HELQ: variants seen among roughly 807,000 people sequenced by gnomAD.
HELQ encodes the protein helicase, POLQ like.
In HELQ, 77 loss-of-function variants were observed where a neutral mutation model predicts 111.6. The ratio of observed to expected loss-of-function variants is 0.69; its 90% confidence interval spans 0.57 to 0.83. HELQ has a LOEUF of 0.83. HELQ is among the 40% of genes least tolerant of loss of function. The probability of loss-of-function intolerance (pLI) is 0.00; values close to 1 mark genes in which losing one functional copy is unlikely to be tolerated. For synonymous variants in HELQ, 438 were observed against 454.7 expected (o/e 0.96, Z 0.47); for missense variants, 1,200 against 1,288.5 (o/e 0.93, Z 1.05).
chr4:83,430,426 C>T lies in HELQ; in HGVS notation c.2296-680G>A, dbSNP rs1034250418. On this transcript the variant is annotated intron_variant, in intron 11 of 17. Transcript: ENST00000295488. ...TTTTTGTCTCTCTCATTCCTATCTC[C>T]ATTTCTTGTTCTTTCACTGTTATTC... Among the ~76,000 whole-genome samples the T allele has an allele frequency of 4.6e-5, 7 of 152,212 alleles. No individual in the cohort carries two copies. In the East Asian group the frequency reaches 5.8e-4, roughly 13 times the overall value.
chr4:83,442,431 A>AT (rs923411218), intron 6 of HELQ, among the ~76,000 whole-genome samples: 21 of 146,382 alleles, frequency 1.4e-4, no homozygotes, highest in Admixed American at 7.4e-4. Flanking sequence ...ATATGCTCTA[A>AT]TTTTTTTTTT....
intron 2 of HELQ, among the ~76,000 whole-genome samples, chr4:83,450,254 A>G (rs1361787649): frequency 3.6e-5 from 5 of 138,746 alleles, no homozygotes; most frequent in Admixed American, 7.2e-5. Context: ...AAAAAAAAAA[A>G]GCAGATCATT....
intron 8 of HELQ, among the ~76,000 whole-genome samples, chr4:83,438,406 A>G (rs777606578): frequency 6.6e-6 from 1 of 152,194 alleles, no homozygotes; most frequent in Non-Finnish European, 1.5e-5. Context: ...TCAGGAAATT[A>G]TATCCAAATG....
intron 9 of HELQ, among the ~76,000 whole-genome samples, chr4:83,434,409 T>C (rs998500032): frequency 6.6e-6 from 1 of 151,966 alleles, no homozygotes; most frequent in Non-Finnish European, 1.5e-5. Context: ...AAGAACTGAA[T>C]AATGAATGAA....
At chr4:83,440,223 T>C (rs1482075526) in intron 7 of HELQ, among the ~76,000 whole-genome samples, 1 of 152,186 alleles carries the variant, frequency 6.6e-6, no homozygotes, top group Admixed American at 6.5e-5. Flanking sequence ...TTCTTAGGTC[T>C]AGTTAGTCTA....
chr4:83,441,819 C>A (rs905852918), intron 6 of HELQ, among the ~76,000 whole-genome samples: 2 of 144,408 alleles, frequency 1.4e-5, no homozygotes, highest in Non-Finnish European at 3.0e-5. Flanking sequence ...ATCACCCAGG[C>A]TTGGAGTGCA....
chr4:83,454,904 G>T (rs950204340), intron 1 of HELQ, among the ~76,000 whole-genome samples: 4 of 152,146 alleles, frequency 2.6e-5, no homozygotes, highest in Non-Finnish European at 4.4e-5. Flanking sequence ...GGAGTTCCTA[G>T]GAATTTGGAA....
In HELQ at chr4:83,448,822, A is replaced by T; in HGVS notation, c.1152T>A (p.Val384=). 6.2e-7 allele frequency: 1 copy of T among 1,613,926 alleles called. No homozygotes were observed. Among genetic ancestry groups the T allele is most frequent in the Non-Finnish European group, 8.5e-7 (1 of 1,179,942 alleles). Residue 384 remains valine, a synonymous_variant, in exon 3 of 18, where the codon GTT becomes GTA. Transcript: ENST00000295488. The part of the protein sequence containing the change: ...LQELLCCRKD[V]LMILPYVAIV... ...TTGCCACATATGGAAGAATCATTAAAACATCTTTCCGACAGCAAAGCAGTT... is the reference window on the plus strand; with the variant it reads ...TTGCCACATATGGAAGAATCATTAATACATCTTTCCGACAGCAAAGCAGTT...
chr4:83,407,838 C>T (rs2109954752), intron 17 of HELQ, among the ~76,000 whole-genome samples: 1 of 152,198 alleles, frequency 6.6e-6, no homozygotes, highest in Middle Eastern at 3.4e-3. Flanking sequence ...GAAGACTCAG[C>T]CACTTAAAAA....
intron 3 of HELQ, among the ~76,000 whole-genome samples, chr4:83,448,108 G>C (rs940915363): frequency 6.6e-6 from 1 of 151,686 alleles, no homozygotes; most frequent in African/African-American, 2.4e-5. Context: ...TACTTGGGAA[G>C]CTGAGGCAGG....
chr4:83,415,907 A>C (rs1739329283), intron 17 of HELQ, among the ~76,000 whole-genome samples: 1 of 150,390 alleles, frequency 6.6e-6, no homozygotes, highest in Non-Finnish European at 1.5e-5. Flanking sequence ...TTGGCCTCCC[A>C]AAGTGCTGGG....
At chr4:83,411,630 T>TAA (rs1235957225) in intron 17 of HELQ, among the ~76,000 whole-genome samples, 13 of 146,916 alleles carry the variant, frequency 8.8e-5, no homozygotes, top group African/African-American at 3.5e-4. Flanking sequence ...TAAATAAAAT[T>TAA]AATTAATTTA....
At chr4:83,420,506 T>C (rs1739617841) in intron 15 of HELQ, among the ~76,000 whole-genome samples, 1 of 151,780 alleles carries the variant, frequency 6.6e-6, no homozygotes, top group Non-Finnish European at 1.5e-5. Context: ...AAAAATTGGT[T>C]GGGCGCTGTG....
Position 83,448,875 on chromosome 4 carries a change from G to A in HELQ, c.1099C>T (p.Leu367Phe). 2 of 1,613,462 alleles carry A rather than the reference G, an allele frequency of 1.2e-6. No homozygotes were observed. Among genetic ancestry groups the A allele is most frequent in the Non-Finnish European group, 1.7e-6 (2 of 1,179,618 alleles). ...YSLPTSGGKT[L>F]VAEILMLQEL... ...TGCAGCATTAAAATCTCAGCCACGA[G>A]GGTTTTTCCACCACTTGTTGGCAAG... Residue 367 changes from leucine to phenylalanine, a missense_variant, in exon 3 of 18, where the codon CTC (leucine) becomes TTC (phenylalanine). By Grantham distance (22) the Leu-to-Phe change is conservative (BLOSUM62 0). Coordinates refer to ENST00000295488, the MANE Select transcript of HELQ (RefSeq NM_133636.5).
chr4:83,408,905 T>C (rs1738939531), intron 17 of HELQ, among the ~76,000 whole-genome samples: 1 of 152,128 alleles, frequency 6.6e-6, no homozygotes, highest in Non-Finnish European at 1.5e-5. Context: ...GCATTGTTTA[T>C]AGGAAGATAT....
intron 6 of HELQ, 102 bp from the exon 7 acceptor site, chr4:83,441,505 G>A: frequency 1.7e-6 from 1 of 573,606 alleles, no homozygotes; most frequent in Non-Finnish European, 3.0e-6. Context: ...CTATAAAAGA[G>A]TTTAGCTTTT....
intron 17 of HELQ, among the ~76,000 whole-genome samples, chr4:83,413,192 C>T (rs1484323557): frequency 6.6e-6 from 1 of 152,148 alleles, no homozygotes; most frequent in Non-Finnish European, 1.5e-5. Context: ...TTATTATACG[C>T]ATGTTTTCCT....
At chr4:83,430,862 T>A (rs1250800021) in intron 11 of HELQ, among the ~76,000 whole-genome samples, 1 of 148,606 alleles carries the variant, frequency 6.7e-6, no homozygotes, top group Non-Finnish European at 1.5e-5. Flanking sequence ...CCTAAATGAT[T>A]AGAGTTAACA....
chr4:83,455,310 G>A, intron 1 of HELQ, 87 bp downstream of exon 1: 1 of 1,549,406 alleles, frequency 6.5e-7, no homozygotes, highest in Non-Finnish European at 8.7e-7. Context: ...GACGAGAGAA[G>A]TAAACGAAGG....
Sources: allele counts gnomAD v4.1 joint callset (sites outside exome capture counted in the v4.1 genomes callset), GRCh38; gene constraint gnomAD v4.1.1; transcripts MANE v1.5; gene names NCBI Gene and HGNC (gene_info 2026-07-23, HGNC 2026-07-21).